Variants in DPY19L1 observed in about 807,000 individuals in gnomAD.
The protein encoded by DPY19L1 is protein C-mannosyl-transferase DPY19L1.
DPY19L1 carries 35 observed loss-of-function variants against 96.9 expected under a neutral mutation model. The observed-to-expected ratio is 0.36, with a 90% CI of 0.28 to 0.48. The LOEUF (loss-of-function observed/expected upper bound fraction) is 0.48, where lower values mean the gene tolerates loss of function less well. Ranked by LOEUF, DPY19L1 falls within the 20% of genes least tolerant of loss-of-function variation. DPY19L1 has a pLI of 0.99. For missense variants in DPY19L1, 521 were observed against 777.9 expected (o/e 0.67, Z 3.93); for synonymous variants, 205 against 252.6 (o/e 0.81, Z 1.79).
intron 6 of DPY19L1, among the ~76,000 whole-genome samples, chr7:34,999,532 A>C (rs1304929089): frequency 6.6e-6 from 1 of 152,194 alleles, no homozygotes; most frequent in Non-Finnish European, 1.5e-5. Flanking sequence ...CCAATGCAAG[A>C]GAGGAAAGGG....
chr7:34,949,966 T>C (rs898720536), intron 13 of DPY19L1, 68 bp from the exon 14 acceptor site: 11 of 830,990 alleles, frequency 1.3e-5, no homozygotes, highest in Non-Finnish European at 2.0e-5. Flanking sequence ...ATTTCAATAG[T>C]ATCTGAAAAT....
chr7:35,015,422 C>CA (rs1785822540), intron 3 of DPY19L1, among the ~76,000 whole-genome samples: 1 of 152,154 alleles, frequency 6.6e-6, no homozygotes, highest in African/African-American at 2.4e-5. Flanking sequence ...AGAAGCCAGC[C>CA]AAAACCTGCC....
chr7:35,014,892 C>T (rs140177224), intron 3 of DPY19L1, among the ~76,000 whole-genome samples: 1 of 152,212 alleles, frequency 6.6e-6, no homozygotes, highest in Non-Finnish European at 1.5e-5. Context: ...GGGAAAAGGC[C>T]ATGTGAAGAG....
intron 6 of DPY19L1, among the ~76,000 whole-genome samples, chr7:34,997,557 C>T (rs931721153): frequency 2.9e-5 from 4 of 139,526 alleles, no homozygotes; most frequent in Admixed American, 2.3e-4. Context: ...TTGCAGTGAG[C>T]TGAGATCGCG....
At chr7:34,957,200 T>C (rs1784397239) in intron 11 of DPY19L1, among the ~76,000 whole-genome samples, 1 of 151,898 alleles carries the variant, frequency 6.6e-6, no homozygotes, top group Admixed American at 6.6e-5. Context: ...CTGACCAACA[T>C]GGAGAAACCC....
At chr7:34,959,927 A>T (rs201303123) in intron 10 of DPY19L1, among the ~76,000 whole-genome samples, 1,292 of 27,104 alleles carry the variant, frequency 0.048, 7 homozygotes, top group African/African-American at 0.065. Context: ...ATATATATTT[A>T]TATATATATA....
chr7:34,971,553 C>A (rs1584228343), intron 8 of DPY19L1, among the ~76,000 whole-genome samples: 6 of 152,086 alleles, frequency 3.9e-5, no homozygotes, highest in African/African-American at 1.4e-4. Context: ...CTTCAGATGG[C>A]CTGGAATATG....
Position 34,954,694 on chromosome 7 carries a change from T to G in DPY19L1, c.1320+4A>C. 1 of 1,521,276 alleles carries G rather than the reference T, an allele frequency of 6.6e-7. No homozygotes were observed. Among genetic ancestry groups the G allele is most frequent in the Non-Finnish European group, 9.0e-7 (1 of 1,110,360 alleles). 94.2% of individuals were successfully genotyped at this position (1,521,276 alleles called of 1,614,324 possible). A position where few individuals can be genotyped will look rare whatever the true frequency, so the allele number is the denominator to read the frequency against. ...TTTCAAATTTAAGTAAAAAATGCAC[T>G]TACGTCATCTGCAATACCAAAAATT... On this transcript the variant is annotated splice_donor_region_variant and intron_variant, in intron 13 of 21. Transcript: ENST00000638088.
intron 3 of DPY19L1, among the ~76,000 whole-genome samples, chr7:35,015,598 C>A (rs56115816): frequency 0.2 from 29,851 of 152,192 alleles, 3,307 homozygotes; most frequent in Admixed American, 0.35. Context: ...ATCCTCAGTT[C>A]CAGGAATTCC....
rs1209440008 is a variant in DPY19L1 at position 34,967,554 on chromosome 7, T to C, written c.1015-583A>G. ...ACTTTCTTTTCCATTTGGAAGAAAA[T>C]TGTATGTTATATATCAATAATTCTA... is the stretch of plus-strand genomic sequence containing the variant. On this transcript the variant is annotated intron_variant, in intron 9 of 21. Coordinates refer to ENST00000638088, the MANE Select transcript of DPY19L1 (RefSeq NM_001366673.1). 5.3e-5 allele frequency among the ~76,000 whole-genome samples: 8 copies of C among 152,140 alleles called. No individual in the cohort carries two copies. The South Asian group carries it at 8.3e-4, about 16-fold the overall frequency.
At chr7:34,984,601 T>C (rs570076486) in intron 7 of DPY19L1, among the ~76,000 whole-genome samples, 2 of 152,222 alleles carry the variant, frequency 1.3e-5, no homozygotes, top group Non-Finnish European at 2.9e-5. Flanking sequence ...TCTGTTTTTA[T>C]TGAACTTTTG....
At chr7:34,939,119 A>G (rs1422869879) in intron 20 of DPY19L1, 157 bp downstream of exon 20, 6 of 600,672 alleles carry the variant, frequency 1.0e-5, no homozygotes, top group Non-Finnish European at 1.7e-5. Context: ...ATTTGTTTAG[A>G]GCTTAGCGGT....
At chr7:34,965,297 G>A (rs941319333) in intron 10 of DPY19L1, among the ~76,000 whole-genome samples, 6 of 151,938 alleles carry the variant, frequency 3.9e-5, no homozygotes, top group African/African-American at 1.5e-4. Flanking sequence ...TTTATATGAT[G>A]GAAAATATAA....
chr7:35,010,161 C>T (rs144603927), intron 6 of DPY19L1, among the ~76,000 whole-genome samples: 6 of 152,016 alleles, frequency 3.9e-5, no homozygotes, highest in African/African-American at 4.8e-5. Flanking sequence ...ACCCAGGAGG[C>T]GGAGGTTGCA....
chr7:35,007,178 T>C lies in DPY19L1; in HGVS notation c.764+3290A>G, dbSNP rs1429554027. ...ATGAAAAACACTGATAGAAAAGAAG[T>C]GATAAGAGACTCTATTCAAAATAAT... On this transcript the variant is annotated intron_variant, in intron 6 of 21. Transcript: ENST00000638088. Among the ~76,000 whole-genome samples the C allele has an allele frequency of 2.6e-5, 4 of 151,914 alleles. No homozygotes were observed. The East Asian group carries it at 5.8e-4, about 22-fold the overall frequency.
intron 8 of DPY19L1, among the ~76,000 whole-genome samples, chr7:34,970,147 C>T (rs980936510): frequency 1.3e-5 from 2 of 152,068 alleles, no homozygotes; most frequent in Non-Finnish European, 2.9e-5. Flanking sequence ...ACCTGTGAGC[C>T]AACGCAAAGC....
intron 6 of DPY19L1, chr7:35,000,754 G>GAGA (rs1785406546): frequency 6.6e-6 from 1 of 152,196 alleles, no homozygotes; most frequent in South Asian, 2.1e-4. Flanking sequence ...GAACAGAAAA[G>GAGA]AGAACGGAAA....
chr7:34,950,763 T>C (rs1784252148), intron 13 of DPY19L1, among the ~76,000 whole-genome samples: 1 of 152,082 alleles, frequency 6.6e-6, no homozygotes, highest in South Asian at 2.1e-4. Context: ...AGGAAGAATA[T>C]ACAGCACCTA....
chr7:34,950,278 T>C (rs1220228818), intron 13 of DPY19L1, among the ~76,000 whole-genome samples: 3 of 152,204 alleles, frequency 2.0e-5, no homozygotes, highest in Non-Finnish European at 2.9e-5. Flanking sequence ...CAAAGGACTA[T>C]GGGGTAAAGA....
Sources: gnomAD v4.1 joint callset for allele counts (sites outside exome capture counted in the v4.1 genomes callset) on GRCh38, gnomAD v4.1.1 for gene constraint, MANE v1.5 for transcripts, NCBI Gene and HGNC (gene_info 2026-07-23, HGNC 2026-07-21) for gene names.